The following FABP7 variants were observed in gnomAD, a reference collection of about 807,000 sequenced individuals.
FABP7 encodes the protein fatty acid binding protein 7.
A neutral mutation model predicts 14.2 loss-of-function variants in FABP7; 13 were observed. The ratio of observed to expected loss-of-function variants is 0.91; its 90% CI spans 0.59 to 1.45. The LOEUF is 1.45. FABP7 is among the 40% of genes most tolerant of loss of function. FABP7 has a pLI of 0.00. For missense variants in FABP7, 149 were observed against 157.6 expected, an observed-to-expected ratio of 0.95 and a Z score of 0.29; for synonymous variants, 49 against 51.4, an observed-to-expected ratio of 0.95 and a Z score of 0.20.
At chr6:122,774,963 T>G (rs1780646161), upstream of FABP7, among the ~76,000 whole-genome samples, 1 of 151,636 alleles carries the variant, frequency 6.6e-6, no homozygotes, top group Non-Finnish European at 1.5e-5. Context: ...AAGTGAAGGA[T>G]CTCTACAATG....
At chr6:122,757,272 G>C in the FABP7 span, among the ~76,000 whole-genome samples, 5 of 152,102 alleles carry the variant, frequency 3.3e-5, no homozygotes, top group Non-Finnish European at 5.9e-5. Context: ...ATGCTAAGTG[G>C]AATTACAATT....
intron 2 of FABP7, among the ~76,000 whole-genome samples, chr6:122,780,735 G>A (rs1033917273): frequency 1.1e-4 from 17 of 152,110 alleles, no homozygotes; most frequent in African/African-American, 1.7e-4. Context: ...ATTTAATAAG[G>A]TTTGTTTGAA....
intron 1 of FABP7, 28 bp downstream of exon 1, chr6:122,779,895 C>T: frequency 6.2e-7 from 1 of 1,600,106 alleles, no homozygotes; most frequent in Non-Finnish European, 8.6e-7. Context: ...CGGCTGTTCT[C>T]TTCTCAACGT....
intron 3 of FABP7, chr6:122,781,452 C>T (rs1029441430): frequency 7.1e-7 from 1 of 1,400,190 alleles, no homozygotes; most frequent in Middle Eastern, 2.7e-4. Flanking sequence ...ATAAAAGTTG[C>T]CATTGATTTG....
chr6:122,783,765 T>C lies in FABP7; in HGVS notation c.397T>C (p.Ter133GlnextTer32). ...VVAVRHYEKA* is the reference protein window; with the variant it reads ...VVAVRHYEKAQ Reference sequence around the variant, plus strand: ...TGCTGTTCGCCACTATGAGAAGGCATAAAAATGTTCCTGGTCGGGGCTTGG... The same window carrying C: ...TGCTGTTCGCCACTATGAGAAGGCACAAAAATGTTCCTGGTCGGGGCTTGG... The change falls in exon 4 of 4, where the codon TAA (stop) becomes CAA (glutamine). Residue 133 changes from the stop codon to glutamine (Q), a stop_lost. Transcript: ENST00000368444. 6.2e-7 allele frequency: 1 copy of C among 1,609,608 alleles called. No individual in the cohort carries two copies. Among genetic ancestry groups the C allele is most frequent in the South Asian group, 1.1e-5 (1 of 89,964 alleles).
chr6:122,775,394 A>T (rs975354053), upstream of FABP7, among the ~76,000 whole-genome samples: 1 of 152,188 alleles, frequency 6.6e-6, no homozygotes, highest in African/African-American at 2.4e-5. Flanking sequence ...CAAAGGTGCC[A>T]AGAATATACA....
the FABP7 span, among the ~76,000 whole-genome samples, chr6:122,752,472 G>T: frequency 9.2e-5 from 14 of 152,156 alleles, no homozygotes; most frequent in Non-Finnish European, 1.9e-4. Flanking sequence ...TATATATAGG[G>T]GATTTCTTTC....
At chr6:122,782,037 C>A (rs1780801860) in intron 3 of FABP7, 2 of 985,100 alleles carry the variant, frequency 2.0e-6, no homozygotes. Context: ...CAGGCCTGAG[C>A]CAAGGCTCCC....
At chr6:122,767,633 A>G in the FABP7 span, among the ~76,000 whole-genome samples, 3 of 152,108 alleles carry the variant, frequency 2.0e-5, no homozygotes, top group East Asian at 5.8e-4. Flanking sequence ...CTTGGTGGCC[A>G]GGCATAGTGG....
At chr6:122,777,124 T>G (rs556856577), upstream of FABP7, among the ~76,000 whole-genome samples, 3 of 152,370 alleles carry the variant, frequency 2.0e-5, no homozygotes, top group East Asian at 5.8e-4. Flanking sequence ...TAATACATGG[T>G]TCCTGCTCTC....
chr6:122,780,596 C>T (rs1346968025), intron 2 of FABP7, 133 bp downstream of exon 2: 1 of 966,692 alleles, frequency 1.0e-6, no homozygotes, highest in East Asian at 2.6e-5. Flanking sequence ...GAGAAATACA[C>T]CAAAGTTAGT....
chr6:122,780,880 T>G (rs892432453), intron 2 of FABP7, among the ~76,000 whole-genome samples: 1 of 152,246 alleles, frequency 6.6e-6, no homozygotes, highest in African/African-American at 2.4e-5. Context: ...TTTTAATATA[T>G]TAAATTTTTG....
the FABP7 span, among the ~76,000 whole-genome samples, chr6:122,761,754 G>T: frequency 1.3e-5 from 2 of 152,130 alleles, no homozygotes; most frequent in Non-Finnish European, 2.9e-5. Context: ...TGGAATAAAT[G>T]AAGTCAAAAC....
the FABP7 span, among the ~76,000 whole-genome samples, chr6:122,762,082 A>C: frequency 6.6e-6 from 1 of 152,180 alleles, no homozygotes; most frequent in Non-Finnish European, 1.5e-5. Context: ...GCAGAGACAC[A>C]ACAAAAAAAG....
At chr6:122,770,469 G>A in the FABP7 span, among the ~76,000 whole-genome samples, 1 of 152,008 alleles carries the variant, frequency 6.6e-6, no homozygotes, top group East Asian at 1.9e-4. Flanking sequence ...AGCATCAGTG[G>A]TCTTGTAGTC....
chr6:122,752,880 G>A, the FABP7 span, among the ~76,000 whole-genome samples: 5 of 152,296 alleles, frequency 3.3e-5, no homozygotes, highest in Non-Finnish European at 7.4e-5. Context: ...TAGTCAAGCT[G>A]AGGCTTGCAT....
At chr6:122,761,109 T>C in the FABP7 span, among the ~76,000 whole-genome samples, 1 of 152,166 alleles carries the variant, frequency 6.6e-6, no homozygotes, top group African/African-American at 2.4e-5. Flanking sequence ...TTTATTTTGG[T>C]AGAATTGTTT....
intron 3 of FABP7, 67 bp downstream of exon 3, chr6:122,781,261 C>T (rs1404614552): frequency 6.3e-7 from 1 of 1,576,288 alleles, no homozygotes; most frequent in Non-Finnish European, 8.6e-7. Context: ...TCACCTCCTT[C>T]CTTCTTCTTC....
At chr6:122,772,758 A>AT in the FABP7 span, among the ~76,000 whole-genome samples, 1 of 152,142 alleles carries the variant, frequency 6.6e-6, no homozygotes, top group East Asian at 1.9e-4. Context: ...TAAAAGTTAC[A>AT]TATCACCAAT....
Sources: gnomAD v4.1 joint callset for allele counts (sites outside exome capture counted in the v4.1 genomes callset) on GRCh38, gnomAD v4.1.1 for gene constraint, MANE v1.5 for transcripts, NCBI Gene and HGNC (gene_info 2026-07-23, HGNC 2026-07-21) for gene names.